Variants in UGT2A2 observed in about 807,000 individuals in gnomAD.
UGT2A2 encodes the protein UDP glucuronosyltransferase family 2 member A2.
A neutral mutation model predicts 50.7 loss-of-function variants in UGT2A2; 60 were observed. The observed-to-expected ratio is 1.18, with a 90% confidence interval of 0.96 to 1.47. The LOEUF is 1.47. Among genes scored for constraint, UGT2A2 ranks in the 40% most tolerant of loss-of-function variants. The pLI is 0.00. For synonymous variants in UGT2A2, 242 were observed against 214.6 expected, an observed-to-expected ratio of 1.13 and a Z score of -1.11; for missense variants, 762 against 634.0, an observed-to-expected ratio of 1.20 and a Z score of -2.17.
chr4:69,633,221 C>T lies in UGT2A2; in HGVS notation c.742+5678G>A, dbSNP rs145375022. Among the ~76,000 whole-genome samples the T allele has an allele frequency of 5.3e-3, 800 of 152,234 alleles. 8 individuals are homozygous for T. The highest frequency in any genetic ancestry group is 0.018 in the African/African-American group (733 of 41,534). ...TTGATGAAAGAAATCATACTGTACACTTTATGCACTTTTTATCACATAAAA... is the reference window on the plus strand; with the variant it reads ...TTGATGAAAGAAATCATACTGTACATTTTATGCACTTTTTATCACATAAAA... On this transcript the variant is annotated intron_variant, in intron 1 of 5. Coordinates refer to ENST00000604629, the MANE Select transcript of UGT2A2 (RefSeq NM_001105677.2).
chr4:69,637,189 T>C (rs1331640152), intron 1 of UGT2A2, among the ~76,000 whole-genome samples: 1 of 152,142 alleles, frequency 6.6e-6, no homozygotes, highest in Non-Finnish European at 1.5e-5. Context: ...AATTATGCCT[T>C]AAAGGAATTT....
At chr4:69,615,388 G>A (rs951976171) in intron 1 of UGT2A2, among the ~76,000 whole-genome samples, 6 of 151,910 alleles carry the variant, frequency 3.9e-5, no homozygotes, top group Admixed American at 3.9e-4. Flanking sequence ...AACCTCAACC[G>A]AAAAAGCTTC....
Position 69,589,106 on chromosome 4 carries a change from C to A in UGT2A2, c.*266G>T. On this transcript the variant is annotated 3_prime_UTR_variant, in exon 6 of 6. Transcript: ENST00000604629. ...GAACATATTTAAAATTAGGTAGTATCCTTGTGTCAGAAAAGTGACAGGAAG... is the reference window on the plus strand; with the variant it reads ...GAACATATTTAAAATTAGGTAGTATACTTGTGTCAGAAAAGTGACAGGAAG... 1 of 300,626 alleles carries A rather than the reference C, an allele frequency of 3.3e-6. No individual in the cohort carries two copies. Among genetic ancestry groups the A allele is most frequent in the Non-Finnish European group, 6.1e-6 (1 of 164,494 alleles). 18.6% of individuals were successfully genotyped at this position (300,626 alleles called of 1,614,324 possible). A position where few individuals can be genotyped will look rare whatever the true frequency, so the allele number is the denominator to read the frequency against.
chr4:69,626,672 T>C (rs1355184412), intron 1 of UGT2A2, among the ~76,000 whole-genome samples: 1 of 151,572 alleles, frequency 6.6e-6, no homozygotes, highest in South Asian at 2.1e-4. Flanking sequence ...ATGTTACTAC[T>C]AAAGAAAGCT....
chr4:69,607,681 G>A (rs1482039495), intron 1 of UGT2A2, among the ~76,000 whole-genome samples: 9 of 152,094 alleles, frequency 5.9e-5, no homozygotes, highest in Admixed American at 2.0e-4. Context: ...CTGACAAAGG[G>A]CTAATATCCA....
chr4:69,611,036 A>C (rs927640585), intron 1 of UGT2A2, among the ~76,000 whole-genome samples: 1 of 152,212 alleles, frequency 6.6e-6, no homozygotes, highest in Non-Finnish European at 1.5e-5. Flanking sequence ...TGTACATAAA[A>C]ATTAGAAAGC....
At chr4:69,612,486 T>G (rs1054101062) in intron 1 of UGT2A2, among the ~76,000 whole-genome samples, 68 of 152,030 alleles carry the variant, frequency 4.5e-4, no homozygotes, top group Admixed American at 4.3e-3. Context: ...AACTTCAAAC[T>G]ATAAGACTAC....
intron 1 of UGT2A2, among the ~76,000 whole-genome samples, chr4:69,638,011 GGAAGGAAGGAAA>G (rs1049748687): frequency 6.7e-6 from 1 of 148,554 alleles, no homozygotes; most frequent in Non-Finnish European, 1.5e-5. Context: ...AAGGAAGGAA[GGAAGGAAGGAAA>G]GAAGGAAGGA....
chr4:69,592,759 C>T (rs187332691), intron 5 of UGT2A2, among the ~76,000 whole-genome samples: 1 of 151,320 alleles, frequency 6.6e-6, no homozygotes, highest in East Asian at 1.9e-4. Context: ...ACTGGTGCTC[C>T]AGAAGTAAAG....
At position 69,599,274 on chromosome 4, in the gene UGT2A2, T is replaced by C. The variant is rs1719114678; in HGVS notation, c.863A>G (p.His288Arg). The C allele has an allele frequency of 1.2e-5, 20 of 1,613,664 alleles. No homozygotes were observed. Among genetic ancestry groups the C allele is most frequent in the Non-Finnish European group, 1.5e-5 (18 of 1,179,878 alleles). The stretch of plus-strand genomic sequence containing the variant: ...AGGTAAAGGTTTGGCAGGTTTGCAG[T>C]GCAATCCTCCAACAAACTCAAAATT... ...LPNFEFVGGL[H>R]CKPAKPLPKE... Residue 288 changes from histidine (H) to arginine (R), a missense_variant, in exon 2 of 6, where the codon CAC (histidine) becomes CGC (arginine). By Grantham distance (29) the His-to-Arg change is conservative. Transcript: ENST00000604629.
At chr4:69,601,806 C>T (rs1251926544) in intron 1 of UGT2A2, among the ~76,000 whole-genome samples, 1 of 137,558 alleles carries the variant, frequency 7.3e-6, no homozygotes, top group South Asian at 2.4e-4. Flanking sequence ...TTCCCTAGCA[C>T]CAGTCTGGGG....
rs143095727 is a variant in UGT2A2, at chr4:69,595,846, G to C, written c.1023+404C>G. ...GAGTTGTAATAAAACCTAGACATTC[G>C]AATTATATTTTTAGCATAATTTCTC... On this transcript the variant is annotated intron_variant, in intron 3 of 5. Coordinates refer to ENST00000604629, the MANE Select transcript of UGT2A2 (RefSeq NM_001105677.2). Among the ~76,000 whole-genome samples, 392 of 152,136 alleles carry C rather than the reference G, an allele frequency of 2.6e-3. 1 individual carries two copies. The highest frequency in any genetic ancestry group is 9.0e-3 in the African/African-American group (373 of 41,490).
chr4:69,636,882 G>A (rs1721739671), intron 1 of UGT2A2, among the ~76,000 whole-genome samples: 1 of 152,104 alleles, frequency 6.6e-6, no homozygotes, highest in Non-Finnish European at 1.5e-5. Flanking sequence ...TGACTCTAAA[G>A]TTTCAGTTAC....
At chr4:69,634,362 CAG>C (rs1721562692) in intron 1 of UGT2A2, among the ~76,000 whole-genome samples, 1 of 152,022 alleles carries the variant, frequency 6.6e-6, no homozygotes, top group African/African-American at 2.4e-5. Context: ...GAAAGATTAA[CAG>C]AAACTCCAAG....
At chr4:69,593,247 T>C (rs1718689057) in intron 5 of UGT2A2, among the ~76,000 whole-genome samples, 1 of 151,994 alleles carries the variant, frequency 6.6e-6, no homozygotes, top group Non-Finnish European at 1.5e-5. Flanking sequence ...TATTTTGGAA[T>C]AAATAATCTC....
intron 1 of UGT2A2, among the ~76,000 whole-genome samples, chr4:69,601,313 T>C (rs11946584): frequency 0.25 from 38,723 of 152,024 alleles, 5,436 homozygotes; most frequent in African/African-American, 0.37. Flanking sequence ...AGCCTCGTGT[T>C]CTTGCTCCTG....
chr4:69,629,101 A>T (rs563142500), intron 1 of UGT2A2, among the ~76,000 whole-genome samples: 37 of 151,978 alleles, frequency 2.4e-4, no homozygotes, highest in African/African-American at 8.9e-4. Context: ...AAACATTGCT[A>T]TTCCCTCTCC....
At chr4:69,599,102 G>A in intron 2 of UGT2A2, 144 bp downstream of exon 2, 2 of 1,217,262 alleles carry the variant, frequency 1.6e-6, no homozygotes, top group South Asian at 3.8e-5. Context: ...ACTTGTAGGA[G>A]ACCTCTATCA....
chr4:69,626,521 T>G (rs1449728957), intron 1 of UGT2A2, among the ~76,000 whole-genome samples: 2 of 151,674 alleles, frequency 1.3e-5, no homozygotes, highest in Non-Finnish European at 3.0e-5. Context: ...TTGAGGATAT[T>G]TATTGGGTAT....
Sources: allele counts gnomAD v4.1 joint callset (sites outside exome capture counted in the v4.1 genomes callset), GRCh38; gene constraint gnomAD v4.1.1; transcripts MANE v1.5; gene names NCBI Gene and HGNC (gene_info 2026-07-23, HGNC 2026-07-21).